The following GLP1R variants were observed in gnomAD, a reference collection of about 807,000 sequenced individuals.
The protein encoded by GLP1R is glucagon-like peptide 1 receptor.
In GLP1R, 32 loss-of-function variants were observed where a neutral mutation model predicts 68.4. That is an observed-to-expected ratio of 0.47 (90% confidence interval 0.35 to 0.63). The LOEUF (loss-of-function observed/expected upper bound fraction) is 0.63. Ranked by LOEUF, GLP1R falls within the 20% of genes least tolerant of loss-of-function variation. GLP1R has a pLI of 0.00. For missense variants in GLP1R, 502 were observed against 594.9 expected (o/e 0.84, Z 1.62); for synonymous variants, 263 against 244.4 (o/e 1.08, Z -0.71).
At chr6:39,081,448 A>G (rs1367307688) in intron 12 of GLP1R, among the ~76,000 whole-genome samples, 1 of 152,150 alleles carries the variant, frequency 6.6e-6, no homozygotes, top group African/African-American at 2.4e-5. Context: ...CGCTGGCCCC[A>G]CACACTCTCC....
chr6:39,053,039 C>T (rs953055794), intron 1 of GLP1R, among the ~76,000 whole-genome samples: 17 of 152,214 alleles, frequency 1.1e-4, no homozygotes, highest in African/African-American at 3.9e-4. Context: ...GTCGTCTCCA[C>T]GTGCCTTCAT....
Position 39,089,616 on chromosome 6 carries a change from G to A in GLP1R, c.*3543G>A, listed in dbSNP as rs1165444523. On this transcript the variant is annotated 3_prime_UTR_variant, in exon 13 of 13. Coordinates refer to ENST00000373256, the MANE Select transcript of GLP1R (RefSeq NM_002062.5). The surrounding 1 kb of genome is among the most constrained non-coding windows in gnomAD (Gnocchi z 4.1). ...CAAGGAAAGAACATTGCATGTGGGC[G>A]TGTGTGTGTGTATGTGTGTGCATGT... is the stretch of plus-strand genomic sequence containing the variant. 2.0e-5 allele frequency among the ~76,000 whole-genome samples: 3 copies of A among 151,912 alleles called. No individual in the cohort carries two copies. The highest frequency in any genetic ancestry group is 1.3e-4 in the Admixed American group (2 of 15,254).
At chr6:39,063,926 AAC>A (rs530782175) in intron 3 of GLP1R, among the ~76,000 whole-genome samples, 5,599 of 129,948 alleles carry the variant, frequency 0.043, 213 homozygotes, top group African/African-American at 0.11. Context: ...ACAGACACAT[AAC>A]ACACACACAC....
chr6:39,085,882 G>C, intron 12 of GLP1R, 24 bp from the exon 13 acceptor site: 3 of 1,612,854 alleles, frequency 1.9e-6, no homozygotes, highest in Non-Finnish European at 2.5e-6. Flanking sequence ...GATGGCTTTC[G>C]TTTCCCTCCT....
In GLP1R at chr6:39,064,982, G is replaced by C. The variant is rs565932723; in HGVS notation, c.284-729G>C. Among the ~76,000 whole-genome samples the C allele has an allele frequency of 8.6e-4, 131 of 152,304 alleles. 1 individual carries two copies. The highest frequency in any genetic ancestry group is 2.3e-3 in the African/African-American group (94 of 41,578). On this transcript the variant is annotated intron_variant, in intron 3 of 12. Transcript: ENST00000373256. ...TATCTCCATTTCCAACCTATAATTA[G>C]AGTCTATGTGAAGGTAGGAGCTGGG...
At chr6:39,073,860 G>T in intron 7 of GLP1R, 91 bp downstream of exon 7, 1 of 1,206,958 alleles carries the variant, frequency 8.3e-7, no homozygotes, top group South Asian at 1.3e-5. Context: ...ACGCACTGCT[G>T]AGCAAGGGGC....
intron 1 of GLP1R, among the ~76,000 whole-genome samples, chr6:39,054,656 C>G (rs1257140674): frequency 6.6e-6 from 1 of 152,344 alleles, no homozygotes; most frequent in Non-Finnish European, 1.5e-5. Context: ...TTCCATACCT[C>G]TCTGCCTGCC....
intron 8 of GLP1R, among the ~76,000 whole-genome samples, 187 bp from the exon 9 acceptor site, chr6:39,078,770 G>A (rs10305491): frequency 0.23 from 34,615 of 152,116 alleles, 5,041 homozygotes; most frequent in Non-Finnish European, 0.34. Context: ...GACTATGCGT[G>A]TGTGTTGTGT....
Position 39,078,463 on chromosome 6 carries a change from C to G in GLP1R, c.884+81C>G. On this transcript the variant is annotated intron_variant, in intron 8 of 12. Coordinates refer to ENST00000373256, the MANE Select transcript of GLP1R (RefSeq NM_002062.5). ...ATGGGATTCCTTGGTACCTGGGGCA[C>G]CCATCTGTTGAGAGGATAAAGGGGG... The G allele has an allele frequency of 4.1e-6, 4 of 978,976 alleles. No homozygotes were observed. In the Admixed American group the frequency reaches 6.8e-5, roughly 17 times the overall value. 60.6% of individuals were successfully genotyped at this position (978,976 alleles called of 1,614,324 possible).
intron 3 of GLP1R, among the ~76,000 whole-genome samples, chr6:39,063,370 G>A (rs138163782): frequency 3.0e-4 from 45 of 152,240 alleles, no homozygotes; most frequent in African/African-American, 1.1e-3. Flanking sequence ...GGCCCTTCGC[G>A]TTGCTAAAAT....
At chr6:39,051,398 G>A (rs149527082) in intron 1 of GLP1R, among the ~76,000 whole-genome samples, 26 of 152,296 alleles carry the variant, frequency 1.7e-4, no homozygotes, top group African/African-American at 6.3e-4. Flanking sequence ...AGGATAGTAT[G>A]AGAGAGGGGC....
chr6:39,074,663 T>C (rs1220477563), intron 7 of GLP1R, among the ~76,000 whole-genome samples: 1 of 152,098 alleles, frequency 6.6e-6, no homozygotes, highest in African/African-American at 2.4e-5. Context: ...CGGCTGCCCC[T>C]GCCACGGACC....
Position 39,066,310 on chromosome 6 carries a change from T to G in GLP1R, c.509+7T>G. ...CGATCCTCCTCGGCTTCAGGTAAGGTGGCCCGGACCCTGGGAGGGGGCTGC... is the reference window on the plus strand; with the variant it reads ...CGATCCTCCTCGGCTTCAGGTAAGGGGGCCCGGACCCTGGGAGGGGGCTGC... On this transcript the variant is annotated splice_region_variant and intron_variant, in intron 5 of 12. Coordinates refer to ENST00000373256, the MANE Select transcript of GLP1R (RefSeq NM_002062.5). The G allele has an allele frequency of 6.5e-7, 1 of 1,544,672 alleles. No homozygotes were observed. The highest frequency in any genetic ancestry group is 9.0e-7 in the Non-Finnish European group (1 of 1,116,672).
intron 12 of GLP1R, among the ~76,000 whole-genome samples, chr6:39,081,187 A>G (rs113090116): frequency 6.6e-6 from 1 of 152,264 alleles, no homozygotes; most frequent in East Asian, 1.9e-4. Context: ...CATTTTTTAT[A>G]TATACATGAA....
chr6:39,059,800 A>AG (rs1412503293), intron 3 of GLP1R, among the ~76,000 whole-genome samples: 1 of 151,742 alleles, frequency 6.6e-6, no homozygotes, highest in East Asian at 1.9e-4. Flanking sequence ...GGCGTAGGAC[A>AG]GGGCCCATCA....
rs958229375 is a variant in GLP1R, at chr6:39,087,945, A to G, written c.*1872A>G. Among the ~76,000 whole-genome samples, 1 of 152,190 alleles carries G rather than the reference A, an allele frequency of 6.6e-6. No homozygotes were observed. The highest frequency in any genetic ancestry group is 1.5e-5 in the Non-Finnish European group (1 of 68,036). ...GGGCACCAGTGGGTTGATGTGGGAA[A>G]CAGTGCTGGTGCAAGTGTTTAAGTT... On this transcript the variant is annotated 3_prime_UTR_variant, in exon 13 of 13. Coordinates refer to ENST00000373256, the MANE Select transcript of GLP1R (RefSeq NM_002062.5).
chr6:39,059,907 G>A (rs573324726), intron 3 of GLP1R, among the ~76,000 whole-genome samples: 4 of 152,150 alleles, frequency 2.6e-5, no homozygotes, highest in East Asian at 1.9e-4. Flanking sequence ...GGTGGTGCCC[G>A]TTTATGAGCA....
intron 3 of GLP1R, among the ~76,000 whole-genome samples, chr6:39,060,421 G>C (rs1352719907): frequency 1.3e-5 from 2 of 152,202 alleles, no homozygotes; most frequent in East Asian, 3.8e-4. Context: ...AGGGACCAAT[G>C]AGGCATATAA....
At chr6:39,069,887 A>G (rs181793722) in intron 5 of GLP1R, among the ~76,000 whole-genome samples, 114 of 152,274 alleles carry the variant, frequency 7.5e-4, no homozygotes, top group Non-Finnish European at 1.5e-4. Flanking sequence ...TGAAAAATAG[A>G]AATTTATTTC....
Sources: gnomAD v4.1 joint callset for allele counts (sites outside exome capture counted in the v4.1 genomes callset) on GRCh38, gnomAD v4.1.1 for gene constraint, Gnocchi (gnomAD v3.1) non-coding constraint, MANE v1.5 for transcripts, NCBI Gene and HGNC (gene_info 2026-07-23, HGNC 2026-07-21) for gene names.